SGK3: variants seen among roughly 807,000 people sequenced by gnomAD.
SGK3 encodes the protein serine/threonine-protein kinase Sgk3.
In SGK3, 47 loss-of-function variants were observed where a neutral mutation model predicts 68.5. The observed-to-expected ratio is 0.69, with a 90% CI of 0.54 to 0.87. SGK3 has a LOEUF of 0.87. Among genes scored for constraint, SGK3 ranks in the 40% least tolerant of loss-of-function variants. The pLI is 0.00. For synonymous variants in SGK3, 181 were observed against 189.1 expected (o/e 0.96, Z 0.35); for missense variants, 479 against 575.5 (o/e 0.83, Z 1.72).
chr8:66,785,528 G>GCTTA (rs1181937299), intron 1 of SGK3, among the ~76,000 whole-genome samples: 2 of 152,042 alleles, frequency 1.3e-5, no homozygotes, highest in Non-Finnish European at 2.9e-5. Flanking sequence ...TATTGTAGAT[G>GCTTA]CTTAACATCA....
intron 1 of SGK3, among the ~76,000 whole-genome samples, chr8:66,760,330 C>CTTTTTTTTTTTTTTTT (rs201559163): frequency 6.9e-5 from 8 of 115,648 alleles, no homozygotes; most frequent in Non-Finnish European, 1.3e-4. Flanking sequence ...TTTCTTTTTT[C>CTTTTTTTTTTTTTTTT]TTTTTTTTTT....
At chr8:66,838,319 C>T (rs1178001599) in intron 10 of SGK3, among the ~76,000 whole-genome samples, 1 of 152,180 alleles carries the variant, frequency 6.6e-6, no homozygotes, top group African/African-American at 2.4e-5. Flanking sequence ...CCGCCTCAGC[C>T]TCCCAAAGTG....
chr8:66,734,944 CAAA>C (rs35047133), intron 1 of SGK3, among the ~76,000 whole-genome samples: 2 of 91,154 alleles, frequency 2.2e-5, no homozygotes, highest in Non-Finnish European at 4.9e-5. Flanking sequence ...GGCTCCATCT[CAAA>C]AAAAAAAAAA....
chr8:66,749,285 G>A (rs927749179), intron 1 of SGK3, among the ~76,000 whole-genome samples: 4 of 152,064 alleles, frequency 2.6e-5, no homozygotes, highest in Admixed American at 6.6e-5. Context: ...AGGCCGAGGC[G>A]GGCGGATCAC....
At chr8:66,782,094 T>A (rs1188103040) in intron 1 of SGK3, among the ~76,000 whole-genome samples, 1 of 152,226 alleles carries the variant, frequency 6.6e-6, no homozygotes, top group Non-Finnish European at 1.5e-5. Context: ...GCTAGTATCC[T>A]GAGAGGCAGA....
chr8:66,731,776 C>T (rs529638968), intron 1 of SGK3, among the ~76,000 whole-genome samples: 14 of 152,066 alleles, frequency 9.2e-5, no homozygotes, highest in Admixed American at 2.6e-4. Flanking sequence ...CCTCGTGATC[C>T]GCCTGCTTTG....
chr8:66,736,470 T>G (rs1265625542), intron 1 of SGK3, among the ~76,000 whole-genome samples: 1 of 151,994 alleles, frequency 6.6e-6, no homozygotes, highest in Non-Finnish European at 1.5e-5. Context: ...TATATATATA[T>G]TTTTTGAGAC....
chr8:66,752,980 TGTTGGGATTATAG>T (rs1370600339), intron 1 of SGK3, among the ~76,000 whole-genome samples: 2 of 151,946 alleles, frequency 1.3e-5, no homozygotes, highest in African/African-American at 4.8e-5. Flanking sequence ...CCTCCCAGAG[TGTTGGGATTATAG>T]GTGTGAGCCA....
intron 1 of SGK3, among the ~76,000 whole-genome samples, chr8:66,754,741 A>T (rs1805922518): frequency 6.6e-6 from 1 of 152,256 alleles, no homozygotes; most frequent in South Asian, 2.1e-4. Context: ...CCACGTGGAC[A>T]ATCTCATCAC....
At chr8:66,770,257 A>G (rs1014347816) in intron 1 of SGK3, among the ~76,000 whole-genome samples, 1 of 152,068 alleles carries the variant, frequency 6.6e-6, no homozygotes, top group Non-Finnish European at 1.5e-5. Flanking sequence ...CCCGGCCCCT[A>G]GTGATTACTT....
intron 1 of SGK3, among the ~76,000 whole-genome samples, chr8:66,752,192 C>T (rs955367856): frequency 1.3e-5 from 2 of 152,112 alleles, no homozygotes; most frequent in Admixed American, 1.3e-4. Context: ...GATGACGTTT[C>T]GTTGAAGAGT....
chr8:66,773,281 G>A (rs1240154927), intron 1 of SGK3, among the ~76,000 whole-genome samples: 1 of 152,216 alleles, frequency 6.6e-6, no homozygotes, highest in Non-Finnish European at 1.5e-5. Context: ...AGAGATGGCA[G>A]TGAAAATGGA....
chr8:66,782,753 C>A (rs1807042440), intron 1 of SGK3, among the ~76,000 whole-genome samples: 1 of 152,170 alleles, frequency 6.6e-6, no homozygotes, highest in Admixed American at 6.5e-5. Flanking sequence ...AGATTGGCTT[C>A]TTTCACATAG....
chr8:66,813,508 G>A (rs1387188394), intron 4 of SGK3, among the ~76,000 whole-genome samples: 1 of 151,810 alleles, frequency 6.6e-6, no homozygotes, highest in African/African-American at 2.4e-5. Context: ...TTCATTGTTT[G>A]GTAGTACGTG....
intron 1 of SGK3, chr8:66,767,568 G>A: frequency 6.9e-7 from 1 of 1,444,540 alleles, no homozygotes; most frequent in Non-Finnish European, 9.7e-7. Flanking sequence ...CAAGTATCAT[G>A]AGAGGCACTT....
At chr8:66,771,723 G>A (rs954870092) in intron 1 of SGK3, among the ~76,000 whole-genome samples, 3 of 152,184 alleles carry the variant, frequency 2.0e-5, no homozygotes, top group Admixed American at 6.5e-5. Context: ...TAGCGAAGGA[G>A]AGAGAGGGCT....
At chr8:66,800,214 G>A (rs1807873761) in intron 3 of SGK3, among the ~76,000 whole-genome samples, 2 of 151,334 alleles carry the variant, frequency 1.3e-5, no homozygotes, top group South Asian at 2.1e-4. Context: ...GGTGGTGGGC[G>A]CCTGTAGTCC....
intron 1 of SGK3, among the ~76,000 whole-genome samples, chr8:66,723,125 ATATATATTTTTT>A (rs1804866080): frequency 3.8e-4 from 20 of 52,200 alleles, no homozygotes; most frequent in Admixed American, 1.4e-3. Flanking sequence ...ATATATATAT[ATATATATTTTTT>A]TTTTTTTTTT....
chr8:66,723,812 C>A (rs967415403), intron 1 of SGK3, among the ~76,000 whole-genome samples: 5 of 152,144 alleles, frequency 3.3e-5, no homozygotes, highest in African/African-American at 1.2e-4. Context: ...ACACAGTTGA[C>A]AATTTAGTCC....
Sources: allele counts gnomAD v4.1 joint callset (sites outside exome capture counted in the v4.1 genomes callset), GRCh38; gene constraint gnomAD v4.1.1; transcripts MANE v1.5; gene names NCBI Gene and HGNC (gene_info 2026-07-23, HGNC 2026-07-21).